The following MYO3A variants were observed in gnomAD, a reference collection of about 807,000 sequenced individuals.
The protein encoded by MYO3A is myosin-IIIa.
Under a neutral mutation model 192.7 loss-of-function variants are expected in MYO3A, and 180 were observed. The ratio of observed to expected loss-of-function variants is 0.93; its 90% CI spans 0.83 to 1.06. MYO3A has a LOEUF of 1.06. Ranked by LOEUF, MYO3A falls within the 50% of genes least tolerant of loss-of-function variation. The pLI is 0.00. For missense variants in MYO3A, 1,896 were observed against 1,905.0 expected (o/e 1.00, Z 0.09); for synonymous variants, 628 against 645.3 (o/e 0.97, Z 0.41).
chr10:26,058,522 G>A (rs146436685), intron 10 of MYO3A, among the ~76,000 whole-genome samples: 249 of 152,308 alleles, frequency 1.6e-3, no homozygotes, highest in African/African-American at 5.9e-3. Flanking sequence ...TATGGCAAGA[G>A]CATGTTTCAT....
At chr10:26,086,038 G>C (rs992752973) in intron 14 of MYO3A, among the ~76,000 whole-genome samples, 4 of 152,088 alleles carry the variant, frequency 2.6e-5, no homozygotes, top group Non-Finnish European at 5.9e-5. Flanking sequence ...TTTGCAGGTA[G>C]GGGGAGGCTT....
chr10:26,110,876 T>C (rs1467592708), intron 17 of MYO3A, among the ~76,000 whole-genome samples: 1 of 151,350 alleles, frequency 6.6e-6, no homozygotes, highest in South Asian at 2.1e-4. Context: ...TTTCTTTTTT[T>C]TTTTTTTTTT....
chr10:26,026,550 T>C lies in MYO3A; in HGVS notation c.953+18T>C, dbSNP rs1312118800. 1 of 1,612,846 alleles carries C rather than the reference T, an allele frequency of 6.2e-7. No individual in the cohort carries two copies. Among genetic ancestry groups the C allele is most frequent in the African/African-American group, 1.3e-5 (1 of 74,892 alleles). On this transcript the variant is annotated intron_variant, in intron 10 of 34. Coordinates refer to ENST00000642920, the MANE Select transcript of MYO3A (RefSeq NM_017433.5). ...AAGGCCAGGTAATCAAATAATATCTTGATTCCAAAATCCAGAGATTATTGA... is the reference window on the plus strand; with the variant it reads ...AAGGCCAGGTAATCAAATAATATCTCGATTCCAAAATCCAGAGATTATTGA...
chr10:26,145,224 C>G (rs1202561912), intron 21 of MYO3A, among the ~76,000 whole-genome samples: 3 of 149,654 alleles, frequency 2.0e-5, no homozygotes, highest in Middle Eastern at 7.0e-3. Context: ...TGATGCATGA[C>G]ATGGCTTGAG....
chr10:26,174,240 C>CT lies in MYO3A; in HGVS notation c.3977dup (p.Arg1327GlufsTer3). 1 of 1,614,160 alleles carries CT rather than the reference C, an allele frequency of 6.2e-7. No homozygotes were observed. On this transcript the variant is annotated frameshift_variant, in exon 30 of 35. Transcript: ENST00000642920. LOFTEE classifies it high-confidence loss of function. ...CAGCCAGGAGGAAGGCAGAGGCCGT[C>CT]TGAGGCATGAGACAGTCAAAGAGAG...
At chr10:26,042,476 G>A (rs568934196) in intron 10 of MYO3A, among the ~76,000 whole-genome samples, 2 of 152,198 alleles carry the variant, frequency 1.3e-5, no homozygotes, top group South Asian at 4.1e-4. Context: ...TTTAGATCCT[G>A]TAGTTGTGCT....
At chr10:25,941,141 A>G (rs1342304914) in intron 2 of MYO3A, among the ~76,000 whole-genome samples, 1 of 152,210 alleles carries the variant, frequency 6.6e-6, no homozygotes, top group Non-Finnish European at 1.5e-5. Flanking sequence ...TGAAAGCCAA[A>G]TAGGGGATAG....
At chr10:25,984,642 G>T (rs1158062729) in intron 4 of MYO3A, among the ~76,000 whole-genome samples, 1 of 152,010 alleles carries the variant, frequency 6.6e-6, no homozygotes, top group East Asian at 1.9e-4. Context: ...CACTCCACGT[G>T]TGTCTGTGTC....
chr10:26,152,510 A>C (rs1840854304), intron 23 of MYO3A, among the ~76,000 whole-genome samples: 1 of 152,226 alleles, frequency 6.6e-6, no homozygotes, highest in Non-Finnish European at 1.5e-5. Context: ...TATGACATAC[A>C]GTTCAGCCAT....
rs1274788665 is a variant in MYO3A, at chr10:26,096,460, C to T, written c.1642C>T (p.Pro548Ser). The T allele has an allele frequency of 1.2e-6, 2 of 1,613,564 alleles. No individual in the cohort carries two copies. The highest frequency in any genetic ancestry group is 2.7e-5 in the African/African-American group (2 of 74,904). ...EKKKLAHYKLPENKPPRYLQN... is the reference protein window; with the variant it reads ...EKKKLAHYKLSENKPPRYLQN... ...GAAGAAACTAGCCCATTACAAACTG[C>T]CTGAAAATAAGCCTCCCAGGTAATC... Residue 548 changes from proline to serine, a missense_variant, in exon 16 of 35, where the codon CCT becomes TCT. Coordinates refer to ENST00000642920, the MANE Select transcript of MYO3A (RefSeq NM_017433.5).
At chr10:26,144,011 G>A (rs1197110977) in intron 21 of MYO3A, among the ~76,000 whole-genome samples, 3 of 151,978 alleles carry the variant, frequency 2.0e-5, no homozygotes, top group African/African-American at 7.3e-5. Context: ...ATTTAATATA[G>A]GCAAATCACT....
At chr10:26,183,415 C>T (rs1448823972) in intron 31 of MYO3A, among the ~76,000 whole-genome samples, 1 of 152,102 alleles carries the variant, frequency 6.6e-6, no homozygotes, top group Non-Finnish European at 1.5e-5. Flanking sequence ...CCCAGCTACT[C>T]AGGAGGCTGA....
intron 14 of MYO3A, among the ~76,000 whole-genome samples, chr10:26,082,796 C>G (rs1282569552): frequency 1.3e-5 from 2 of 151,014 alleles, no homozygotes; most frequent in African/African-American, 4.9e-5. Flanking sequence ...CTTAGTTTCA[C>G]TTGTTTCAGG....
chr10:26,118,317 A>G (rs80151633), intron 17 of MYO3A, among the ~76,000 whole-genome samples: 9,298 of 152,324 alleles, frequency 0.061, 369 homozygotes, highest in Non-Finnish European at 0.089. Context: ...TACATATTAC[A>G]AATGCTAATT....
chr10:25,988,212 A>C (rs915402383), intron 4 of MYO3A, among the ~76,000 whole-genome samples: 1 of 152,048 alleles, frequency 6.6e-6, no homozygotes, highest in Non-Finnish European at 1.5e-5. Context: ...GACTCGGGGG[A>C]AAGTGTGGGT....
At chr10:25,981,532 A>G (rs1318172727) in intron 4 of MYO3A, among the ~76,000 whole-genome samples, 1 of 152,254 alleles carries the variant, frequency 6.6e-6, no homozygotes, top group Non-Finnish European at 1.5e-5. Flanking sequence ...CTTCCAAAAC[A>G]TCTATTATGA....
intron 23 of MYO3A, among the ~76,000 whole-genome samples, chr10:26,152,201 T>C (rs1227214483): frequency 4.6e-5 from 7 of 152,218 alleles, no homozygotes; most frequent in Admixed American, 1.3e-4. Context: ...ACCTCAGAGA[T>C]AGCAAAGACA....
At chr10:26,149,891 C>T (rs1193618990) in intron 23 of MYO3A, among the ~76,000 whole-genome samples, 1 of 152,198 alleles carries the variant, frequency 6.6e-6, no homozygotes, top group Non-Finnish European at 1.5e-5. Flanking sequence ...ACCACAACTA[C>T]TAGTAACCAC....
intron 20 of MYO3A, among the ~76,000 whole-genome samples, chr10:26,143,000 A>G (rs1840251674): frequency 6.6e-6 from 1 of 152,166 alleles, no homozygotes. Context: ...AACAAGCAGC[A>G]ATGTGGAGAG....
Sources: allele counts gnomAD v4.1 joint callset (sites outside exome capture counted in the v4.1 genomes callset), GRCh38; gene constraint gnomAD v4.1.1; transcripts MANE v1.5; gene names NCBI Gene and HGNC (gene_info 2026-07-23, HGNC 2026-07-21).